ASAP2: variants seen among roughly 807,000 people sequenced by gnomAD.
ASAP2 encodes the protein arf-GAP with SH3 domain, ANK repeat and PH domain-containing protein 2.
ASAP2 carries 45 observed loss-of-function variants against 131.4 expected under a neutral mutation model. That is an observed-to-expected ratio of 0.34 (90% CI 0.27 to 0.44). The LOEUF is 0.44. ASAP2 is among the 20% of genes least tolerant of loss of function. ASAP2 has a pLI of 1.00. For synonymous variants in ASAP2, 510 were observed against 503.0 expected (o/e 1.01, Z -0.19); for missense variants, 1,011 against 1,297.0 (o/e 0.78, Z 3.39).
chr2:9,212,927 T>G (rs985176304), intron 1 of ASAP2, among the ~76,000 whole-genome samples: 1 of 152,114 alleles, frequency 6.6e-6, no homozygotes, highest in Non-Finnish European at 1.5e-5. Flanking sequence ...CACACTGGAG[T>G]TGCTTGGGCG....
chr2:9,227,522 C>CGCTA (rs1553290547), intron 1 of ASAP2, among the ~76,000 whole-genome samples: 3 of 152,122 alleles, frequency 2.0e-5, no homozygotes, highest in African/African-American at 7.2e-5. Flanking sequence ...TATTTTCAAA[C>CGCTA]GCTATTCGGG....
intron 2 of ASAP2, among the ~76,000 whole-genome samples, chr2:9,280,124 G>A (rs75385207): frequency 1.3e-3 from 192 of 152,326 alleles, no homozygotes; most frequent in African/African-American, 4.0e-3. Context: ...GAGCTTGCCC[G>A]TGCTCAGGTG....
chr2:9,402,148 G>A (rs1013076746), intron 27 of ASAP2, among the ~76,000 whole-genome samples: 2 of 152,208 alleles, frequency 1.3e-5, no homozygotes, highest in Non-Finnish European at 2.9e-5. Context: ...GAACTTCTTT[G>A]TCGAGTGCGA....
Position 9,400,759 on chromosome 2 carries a change from G to A in ASAP2, c.2752G>A (p.Glu918Lys). ...PRGPVDLSAT[E>K]ALGPLSNAMV... ...CCCTACAGTGGATCTCTCTGCAACG[G>A]AAGCTCTGGGTCCTCTGTCCAATGC... Residue 918 changes from glutamate (E) to lysine (K), a missense_variant, in exon 26 of 28, where the codon GAA becomes AAA. Physicochemically the swap from Glu to Lys is moderately conservative, Grantham distance 56 (BLOSUM62 1). Coordinates refer to ENST00000281419, the MANE Select transcript of ASAP2 (RefSeq NM_003887.3). 6.2e-7 allele frequency: 1 copy of A among 1,613,728 alleles called. No individual in the cohort carries two copies. Among genetic ancestry groups the A allele is most frequent in the South Asian group, 1.1e-5 (1 of 91,082 alleles).
chr2:9,343,798 G>T lies in ASAP2; in HGVS notation c.850-734G>T, dbSNP rs190183175. On this transcript the variant is annotated intron_variant, in intron 9 of 27. Transcript: ENST00000281419. ...AGCCACCTGTTGGATGCCAGACACT[G>T]GACTTGGGCCCTGGGTGTTCATTGC... Among the ~76,000 whole-genome samples, 4 of 152,284 alleles carry T rather than the reference G, an allele frequency of 2.6e-5. No homozygotes were observed. The East Asian group carries it at 7.7e-4, about 29-fold the overall frequency.
intron 1 of ASAP2, among the ~76,000 whole-genome samples, chr2:9,237,414 CTTTTT>C (rs35375516): frequency 7.6e-6 from 1 of 131,974 alleles, no homozygotes; most frequent in Non-Finnish European, 1.6e-5. Flanking sequence ...GTCTTTTGGT[CTTTTT>C]TTTTTTTTTT....
chr2:9,400,710 A>G (rs767274964), intron 25 of ASAP2, 32 bp from the exon 26 acceptor site: 8 of 1,557,110 alleles, frequency 5.1e-6, no homozygotes, highest in Non-Finnish European at 6.2e-6. Flanking sequence ...GATTGATGGG[A>G]TGTCTTAAGC....
intron 25 of ASAP2, 43 bp downstream of exon 25, chr2:9,400,115 A>G (rs371320739): frequency 5.0e-5 from 77 of 1,548,800 alleles, no homozygotes; most frequent in Non-Finnish European, 6.6e-5. Context: ...TGCTTGGTCC[A>G]TGGGGGCAAT....
intron 24 of ASAP2, among the ~76,000 whole-genome samples, chr2:9,397,709 G>A (rs1250413129): frequency 7.5e-6 from 1 of 132,828 alleles, no homozygotes; most frequent in African/African-American, 3.0e-5. Flanking sequence ...TAATTGGTTG[G>A]GAAAAAAAAA....
chr2:9,371,285 A>G (rs896382645), intron 16 of ASAP2, among the ~76,000 whole-genome samples: 1 of 152,160 alleles, frequency 6.6e-6, no homozygotes, highest in Non-Finnish European at 1.5e-5. Flanking sequence ...CTGTGCTCCT[A>G]TAGCATTTGG....
In ASAP2 at chr2:9,389,297, T is replaced by G. The variant is rs1558395229; in HGVS notation, c.2383+751T>G. 6.6e-6 allele frequency among the ~76,000 whole-genome samples: 1 copy of G among 151,904 alleles called. No individual in the cohort carries two copies. Among genetic ancestry groups the G allele is most frequent in the African/African-American group, 2.4e-5 (1 of 41,332 alleles). ...CATGGCCTTCAGAGGGTTTCCCACATGAAGGAGGCTGCTGAGACTTTGATG... is the reference window on the plus strand; with the variant it reads ...CATGGCCTTCAGAGGGTTTCCCACAGGAAGGAGGCTGCTGAGACTTTGATG... On this transcript the variant is annotated intron_variant, in intron 22 of 27. Coordinates refer to ENST00000281419, the MANE Select transcript of ASAP2 (RefSeq NM_003887.3). The surrounding 1 kb of genome is among the most constrained non-coding windows in gnomAD (Gnocchi z 4.7).
At chr2:9,254,787 C>T (rs1665045289) in intron 1 of ASAP2, among the ~76,000 whole-genome samples, 1 of 151,906 alleles carries the variant, frequency 6.6e-6, no homozygotes, top group Non-Finnish European at 1.5e-5. Context: ...AATGTATTCC[C>T]TGAAGATAAG....
chr2:9,354,622 G>A (rs1672568734), intron 12 of ASAP2, among the ~76,000 whole-genome samples: 1 of 150,828 alleles, frequency 6.6e-6, no homozygotes, highest in African/African-American at 2.5e-5. Flanking sequence ...CTCCAACCTG[G>A]GCAGCAGAGT....
chr2:9,310,520 A>G (rs1669232064), intron 3 of ASAP2, among the ~76,000 whole-genome samples: 1 of 152,196 alleles, frequency 6.6e-6, no homozygotes, highest in Non-Finnish European at 1.5e-5. Context: ...CTATGATGTA[A>G]GAATCCTGTC....
intron 3 of ASAP2, among the ~76,000 whole-genome samples, chr2:9,318,003 C>T (rs1669911898): frequency 6.6e-6 from 1 of 151,926 alleles, no homozygotes; most frequent in Non-Finnish European, 1.5e-5. Context: ...CCAACACACA[C>T]ACGTCTTTTC....
chr2:9,242,215 C>A (rs1664023138), intron 1 of ASAP2, among the ~76,000 whole-genome samples: 1 of 152,176 alleles, frequency 6.6e-6, no homozygotes, highest in Non-Finnish European at 1.5e-5. Context: ...CTTAGGGGCG[C>A]ATGCTTTGGC....
intron 9 of ASAP2, 106 bp from the exon 10 acceptor site, chr2:9,344,426 T>G: frequency 1.2e-6 from 1 of 811,454 alleles, no homozygotes; most frequent in Non-Finnish European, 1.8e-6. Context: ...CAATTTTTGT[T>G]GTTGTTAAAA....
intron 1 of ASAP2, among the ~76,000 whole-genome samples, chr2:9,278,316 C>T (rs1666887017): frequency 6.6e-6 from 1 of 151,932 alleles, no homozygotes; most frequent in Non-Finnish European, 1.5e-5. Flanking sequence ...AGTTTGAGAC[C>T]ATCCTGTCTA....
Position 9,404,207 on chromosome 2 carries a change from T to C in ASAP2, c.*880T>C, listed in dbSNP as rs1328139445. ...CTGTATTAACACATCACTTGCTGTT[T>C]CCTACTGAGTGTACCACTGCCTTCC... is the stretch of plus-strand genomic sequence containing the variant. On this transcript the variant is annotated 3_prime_UTR_variant, in exon 28 of 28. Transcript: ENST00000281419. 1.3e-5 allele frequency: 2 copies of C among 152,250 alleles called. No individual in the cohort carries two copies. The highest frequency in any genetic ancestry group is 2.9e-5 in the Non-Finnish European group (2 of 68,050). The allele number at this position is 152,250 out of a possible 1,614,324, so 9.4% of individuals were successfully genotyped here. A position where few individuals can be genotyped will look rare whatever the true frequency, so the allele number is the denominator to read the frequency against.
Sources: gnomAD v4.1 joint callset for allele counts (sites outside exome capture counted in the v4.1 genomes callset) on GRCh38, gnomAD v4.1.1 for gene constraint, Gnocchi (gnomAD v3.1) non-coding constraint, MANE v1.5 for transcripts, NCBI Gene and HGNC (gene_info 2026-07-23, HGNC 2026-07-21) for gene names.